ZNF91: variants seen among roughly 807,000 people sequenced by gnomAD.
ZNF91 encodes the protein zinc finger protein 91.
A neutral mutation model predicts 12.6 loss-of-function variants in ZNF91; 7 were observed. The observed-to-expected ratio is 0.55, with a 90% CI of 0.31 to 1.04. ZNF91 has a LOEUF of 1.04. Ranked by LOEUF, ZNF91 falls within the 50% of genes least tolerant of loss-of-function variation. ZNF91 has a pLI of 0.05. For missense variants in ZNF91, 1,217 were observed against 1,385.4 expected, an observed-to-expected ratio of 0.88 and a Z score of 1.93; for synonymous variants, 453 against 462.6, an observed-to-expected ratio of 0.98 and a Z score of 0.27.
At chr19:23,350,047 C>T (rs942206975) in intron 3 of ZNF91, among the ~76,000 whole-genome samples, 1 of 152,168 alleles carries the variant, frequency 6.6e-6, no homozygotes, top group African/African-American at 2.4e-5. Context: ...ACCAAACCGC[C>T]TCAGCCTTGG....
chr19:23,338,486 C>T (rs184226227), downstream of ZNF91: 51 of 152,084 alleles, frequency 3.4e-4, no homozygotes, highest in Admixed American at 2.6e-3. Context: ...CTAATTACCA[C>T]TAGACTGGGC....
At position 23,362,423 on chromosome 19, in the gene ZNF91, T is replaced by C; in HGVS notation, c.556A>G (p.Lys186Glu). 1 of 1,614,006 alleles carries C rather than the reference T, an allele frequency of 6.2e-7. No individual in the cohort carries two copies. The highest frequency in any genetic ancestry group is 1.1e-5 in the South Asian group (1 of 91,062). Residue 186 changes from lysine to glutamate, a missense_variant, in exon 4 of 4, where the codon AAA becomes GAA. By Grantham distance (56) the Lys-to-Glu change is moderately conservative. This residue lies in a region of ZNF91 where 726 missense variants were observed against 895.5 expected (regional missense o/e 0.81). Transcript: ENST00000300619. ...HTGKKCFKCKKCVKSFCIRLH... is the reference protein window; with the variant it reads ...HTGKKCFKCKECVKSFCIRLH... The stretch of plus-strand genomic sequence containing the variant: ...CGGATGCAAAATGACTTGACACATT[T>C]TTTACATTTGAAGCATTTCTTTCCA...
At chr19:23,342,612 G>A (rs1352397179) in intron 3 of ZNF91, among the ~76,000 whole-genome samples, 1 of 152,062 alleles carries the variant, frequency 6.6e-6, no homozygotes, top group Non-Finnish European at 1.5e-5. Flanking sequence ...ACATCTTGAA[G>A]ATTTTCTTAT....
At chr19:23,364,932 AATT>A (rs973105251) in intron 3 of ZNF91, among the ~76,000 whole-genome samples, 11 of 76,940 alleles carry the variant, frequency 1.4e-4, no homozygotes, top group African/African-American at 7.0e-4. Context: ...TGACATGCAC[AATT>A]ATTATACTAA....
chr19:23,364,134 C>T (rs1413004324), intron 3 of ZNF91, among the ~76,000 whole-genome samples: 1 of 152,190 alleles, frequency 6.6e-6, no homozygotes, highest in African/African-American at 2.4e-5. Flanking sequence ...GCCTGGCCAA[C>T]ATGGTGAAAC....
At chr19:23,312,436 C>T (rs73563473), upstream of ZNF91, among the ~76,000 whole-genome samples, 679 of 152,276 alleles carry the variant, frequency 4.5e-3, 4 homozygotes, top group African/African-American at 0.016. Context: ...ACCACTGTCT[C>T]GCATTTCATA....
chr19:23,357,442 G>A (rs1348251175), downstream of ZNF91, among the ~76,000 whole-genome samples: 4 of 152,136 alleles, frequency 2.6e-5, no homozygotes, highest in Admixed American at 2.6e-4. Flanking sequence ...GAGAATTTTT[G>A]TTTTGTAGTA....
At chr19:23,310,943 T>C (rs1190868405), upstream of ZNF91, among the ~76,000 whole-genome samples, 1 of 152,248 alleles carries the variant, frequency 6.6e-6, no homozygotes, top group Admixed American at 6.5e-5. Context: ...AGTTTCTTGC[T>C]TGGACCGTCC....
In ZNF91 at chr19:23,362,700, G is replaced by T; in HGVS notation, c.279C>A (p.Asp93Glu). 6.8e-7 allele frequency: 1 copy of T among 1,473,402 alleles called. No individual in the cohort carries two copies. Among genetic ancestry groups the T allele is most frequent in the African/African-American group, 1.4e-5 (1 of 70,390 alleles). 91.3% of individuals were successfully genotyped at this position (1,473,402 alleles called of 1,614,324 possible). The change falls in exon 4 of 4, where the codon GAC becomes GAA. Residue 93 changes from aspartate (D) to glutamate (E), a missense_variant. Physicochemically the swap from Asp to Glu is conservative, Grantham distance 45 (BLOSUM62 2). Around this residue, in one of 2 missense-constraint regions of ZNF91, gnomAD observed 726 missense variants for 895.5 expected, o/e 0.81. Coordinates refer to ENST00000300619, the MANE Select transcript of ZNF91 (RefSeq NM_003430.4). ...CTTCCATGCTCTGCTCTGGCCAAAA[G>T]TCTTGAGGAAAATGAGGACATATAC... is the stretch of plus-strand genomic sequence containing the variant. ...PTGICPHFPQDFWPEQSMEDS... is the reference protein window; with the variant it reads ...PTGICPHFPQEFWPEQSMEDS...
intron 3 of ZNF91, among the ~76,000 whole-genome samples, chr19:23,363,503 C>T (rs144362607): frequency 8.1e-4 from 124 of 152,290 alleles, no homozygotes; most frequent in African/African-American, 2.8e-3. Flanking sequence ...TTTCAGACAA[C>T]ACATATCCTA....
chr19:23,326,396 T>C (rs1055820503), intron 1 of ZNF91: 2 of 152,148 alleles, frequency 1.3e-5, no homozygotes, highest in Non-Finnish European at 2.9e-5. Context: ...GATACAATCT[T>C]GGCTCACTGC....
At chr19:23,331,821 T>C (rs1458005388) in intron 1 of ZNF91, among the ~76,000 whole-genome samples, 2 of 152,240 alleles carry the variant, frequency 1.3e-5, no homozygotes, top group Non-Finnish European at 2.9e-5. Flanking sequence ...GGTCAAATTC[T>C]TATGTTTAGA....
downstream of ZNF91, among the ~76,000 whole-genome samples, chr19:23,356,502 G>A (rs114199422): frequency 0.022 from 3,320 of 152,174 alleles, 111 homozygotes; most frequent in African/African-American, 0.075. Flanking sequence ...ACCAAATATC[G>A]TATGTTCTCA....
rs1047000183 is a variant in ZNF91, at chr19:23,360,956, T to C, written c.2023A>G (p.Asn675Asp). Residue 675 changes from asparagine to aspartate, a missense_variant, in exon 4 of 4, where the codon AAT becomes GAT. Coordinates refer to ENST00000300619, the MANE Select transcript of ZNF91 (RefSeq NM_003430.4). ...TCTTCAGTATGAGTTATCTTATGAT[T>C]AGCAAGGGTTGAGGAATTGCTAAAA... ...KAFSNSSTLA[N>D]HKITHTEEKP... 2 of 1,613,532 alleles carry C rather than the reference T, an allele frequency of 1.2e-6. No individual in the cohort carries two copies. The highest frequency in any genetic ancestry group is 2.7e-5 in the African/African-American group (2 of 74,910).
In ZNF91 at chr19:23,360,876, A is replaced by G. The variant is rs923954605; in HGVS notation, c.2103T>C (p.Leu701=). Residue 701 remains leucine, a synonymous_variant, in exon 4 of 4, where the codon CTT becomes CTC. Transcript: ENST00000300619. The stretch of plus-strand genomic sequence containing the variant: ...CAGCATGTATTATTTTATGTTTAGT[A>G]AGGGTTGAGAGTCGCTTAAAAGTTT... The part of the protein sequence containing the change: ...CDKTFKRLST[L]TKHKIIHAGE... 1 of 1,613,360 alleles carries G rather than the reference A, an allele frequency of 6.2e-7. No individual in the cohort carries two copies.
chr19:23,380,302 A>AAAAAAAAAAG (rs554607914), intron 1 of ZNF91: 3 of 133,664 alleles, frequency 2.2e-5, no homozygotes, highest in African/African-American at 9.1e-5. Context: ...AAAAAAAAAA[A>AAAAAAAAAAG]GAGTGAAGCT....
At chr19:23,343,884 T>TTA (rs1968169516) in intron 3 of ZNF91, among the ~76,000 whole-genome samples, 1 of 152,224 alleles carries the variant, frequency 6.6e-6, no homozygotes, top group Non-Finnish European at 1.5e-5. Context: ...TCAGATTAAA[T>TTA]GTGATTGTTT....
intron 1 of ZNF91, among the ~76,000 whole-genome samples, chr19:23,388,204 T>C (rs12611239): frequency 0.3 from 45,520 of 151,762 alleles, 7,302 homozygotes; most frequent in African/African-American, 0.41. Context: ...CAAGATTATG[T>C]CACCGTACTT....
At chr19:23,366,249 C>A (rs1163662968) in intron 3 of ZNF91, among the ~76,000 whole-genome samples, 1 of 151,790 alleles carries the variant, frequency 6.6e-6, no homozygotes, top group Non-Finnish European at 1.5e-5. Context: ...GGGGGGCTGA[C>A]CCCCATACCT....
Sources: allele counts gnomAD v4.1 joint callset (sites outside exome capture counted in the v4.1 genomes callset), GRCh38; gene constraint gnomAD v4.1.1; regional missense constraint gnomAD v4.1.1; transcripts MANE v1.5; gene names NCBI Gene and HGNC (gene_info 2026-07-23, HGNC 2026-07-21).